The following NRXN1 variants were observed in gnomAD, a reference collection of about 807,000 sequenced individuals.
The protein encoded by NRXN1 is neurexin-1.
NRXN1 carries 39 observed loss-of-function variants against 150.9 expected under a neutral mutation model. The observed-to-expected ratio is 0.26, with a 90% CI of 0.20 to 0.34. The LOEUF is 0.34. NRXN1 is among the 10% of genes least tolerant of loss of function. The pLI is 1.00. For synonymous variants in NRXN1, 924 were observed against 757.0 expected (o/e 1.22, Z -3.62); for missense variants, 1,815 against 1,949.9 (o/e 0.93, Z 1.30).
rs1446460688 is a variant in NRXN1, at chr2:50,052,459, C to T, written c.4128+812G>A. Among the ~76,000 whole-genome samples, 6 of 152,106 alleles carry T rather than the reference C, an allele frequency of 3.9e-5. No individual in the cohort carries two copies. The East Asian group carries it at 7.7e-4, about 20-fold the overall frequency. On this transcript the variant is annotated intron_variant, in intron 21 of 22. Coordinates refer to ENST00000401669, the MANE Select transcript of NRXN1 (RefSeq NM_001330078.2). Reference sequence around the variant, plus strand: ...ATTTGAACAGCATCTAACAGCATTTCGAATAAGGTTTTTTTTTCCCTGTGT... The same window carrying T: ...ATTTGAACAGCATCTAACAGCATTTTGAATAAGGTTTTTTTTTCCCTGTGT...
At chr2:50,712,599 C>A (rs1398686235) in intron 5 of NRXN1, among the ~76,000 whole-genome samples, 1 of 152,162 alleles carries the variant, frequency 6.6e-6, no homozygotes, top group Admixed American at 6.6e-5. Context: ...ACTAATAGAT[C>A]ACACAAAATA....
intron 18 of NRXN1, among the ~76,000 whole-genome samples, chr2:50,189,098 CAA>C (rs954921967): frequency 2.0e-5 from 3 of 152,220 alleles, no homozygotes; most frequent in South Asian, 2.1e-4. Flanking sequence ...TTCACAATAG[CAA>C]AGACTTGGAA....
intron 8 of NRXN1, among the ~76,000 whole-genome samples, chr2:50,573,698 T>C (rs973843364): frequency 6.6e-6 from 1 of 151,564 alleles, no homozygotes; most frequent in Non-Finnish European, 1.5e-5. Context: ...AATTTGAAAA[T>C]CTGCGCTTAT....
intron 21 of NRXN1, among the ~76,000 whole-genome samples, chr2:49,978,064 A>T (rs1573181715): frequency 2.6e-5 from 4 of 152,198 alleles, no homozygotes; most frequent in Admixed American, 2.6e-4. Flanking sequence ...TGGGAGGCAG[A>T]GCCAGGAGAA....
chr2:49,945,698 C>T (rs1483469906), intron 21 of NRXN1, among the ~76,000 whole-genome samples: 1 of 152,102 alleles, frequency 6.6e-6, no homozygotes, highest in Non-Finnish European at 1.5e-5. Context: ...TCATCCATGT[C>T]CCTACAAGGG....
At chr2:50,802,571 A>AAG (rs1707766250) in intron 5 of NRXN1, among the ~76,000 whole-genome samples, 6 of 149,300 alleles carry the variant, frequency 4.0e-5, no homozygotes, top group East Asian at 2.0e-4. Flanking sequence ...GGAAGGAAGG[A>AAG]GAGAGACAGA....
At chr2:50,453,184 G>A (rs1558758107) in intron 17 of NRXN1, among the ~76,000 whole-genome samples, 1 of 152,120 alleles carries the variant, frequency 6.6e-6, no homozygotes, top group Non-Finnish European at 1.5e-5. Flanking sequence ...TAATCTAATA[G>A]TCTAATAGTC....
intron 5 of NRXN1, among the ~76,000 whole-genome samples, chr2:50,664,493 T>C (rs562573692): frequency 8.2e-4 from 123 of 150,500 alleles, no homozygotes; most frequent in African/African-American, 2.9e-3. Context: ...TTTCTCTACA[T>C]TGATGATTTA....
intron 17 of NRXN1, among the ~76,000 whole-genome samples, chr2:50,457,767 C>A (rs1206716870): frequency 3.9e-5 from 6 of 151,944 alleles, no homozygotes; most frequent in Non-Finnish European, 7.4e-5. Context: ...ACATCAAAAT[C>A]AAAATCACAA....
intron 5 of NRXN1, among the ~76,000 whole-genome samples, chr2:50,916,093 T>C (rs1685179545): frequency 6.8e-6 from 1 of 147,806 alleles, no homozygotes; most frequent in South Asian, 2.2e-4. Flanking sequence ...ACCACTAAAT[T>C]TATTGACTAA....
At chr2:50,352,499 T>A (rs2078482311) in intron 17 of NRXN1, among the ~76,000 whole-genome samples, 1 of 151,982 alleles carries the variant, frequency 6.6e-6, no homozygotes. Flanking sequence ...ACTAATATTT[T>A]AAAAATTAAA....
At chr2:50,297,887 C>A (rs568942613) in intron 17 of NRXN1, among the ~76,000 whole-genome samples, 1 of 151,994 alleles carries the variant, frequency 6.6e-6, no homozygotes, top group African/African-American at 2.4e-5. Context: ...ATAAGGGCAA[C>A]ATGGGTGACC....
chr2:50,608,713 C>T (rs981129341), intron 8 of NRXN1, among the ~76,000 whole-genome samples: 15 of 152,200 alleles, frequency 9.9e-5, no homozygotes, highest in African/African-American at 3.4e-4. Context: ...GAAAATGTTA[C>T]TGAATAAGGT....
chr2:49,926,417 A>G (rs1669113727), intron 22 of NRXN1: 1 of 398,328 alleles, frequency 2.5e-6, no homozygotes, highest in East Asian at 3.6e-5. Flanking sequence ...AATCCTATGA[A>G]TCTTCTTGTT....
chr2:50,411,641 C>T (rs2104089990), intron 17 of NRXN1, among the ~76,000 whole-genome samples: 1 of 152,116 alleles, frequency 6.6e-6, no homozygotes, highest in African/African-American at 2.4e-5. Context: ...GACCGGCCGC[C>T]CCGTCTGAGA....
intron 2 of NRXN1, among the ~76,000 whole-genome samples, chr2:50,984,630 T>C (rs1051962991): frequency 6.6e-6 from 1 of 152,106 alleles, no homozygotes; most frequent in African/African-American, 2.4e-5. Flanking sequence ...ATACTTAAAA[T>C]GTGTTTTCCT....
At position 50,506,617 on chromosome 2, in the gene NRXN1, C is replaced by T. The variant is rs778873367; in HGVS notation, c.2375G>A (p.Ser792Asn). 6.2e-7 allele frequency: 1 copy of T among 1,612,786 alleles called. No individual in the cohort carries two copies. ...LDCIRINCNSSKGPETLFAGY... is the reference protein window; with the variant it reads ...LDCIRINCNSNKGPETLFAGY... ...AGCAAAAAGAGTCTCGGGACCTTTG[C>T]CTGTAGAATATGCCAAACAGTCATT... The change falls in exon 13 of 23, where the codon AGC becomes AAC. Residue 792 changes from serine (S) to asparagine (N), a missense_variant and splice_region_variant. Ser to Asn is a conservative substitution (Grantham distance 46). Transcript: ENST00000401669.
In NRXN1 at chr2:50,851,934, A is replaced by G. The variant is rs150012867; in HGVS notation, c.832+69935T>C. ...AAAAAGAGAGTAAGATACTCTTAAT[A>G]GTGCCTTTGTTTTTATAGGCAGTAA... On this transcript the variant is annotated intron_variant, in intron 5 of 22. Coordinates refer to ENST00000401669, the MANE Select transcript of NRXN1 (RefSeq NM_001330078.2). 7.2e-5 allele frequency among the ~76,000 whole-genome samples: 11 copies of G among 152,326 alleles called. No individual in the cohort carries two copies. In the East Asian group the frequency reaches 1.9e-3, roughly 27 times the overall value.
At chr2:50,291,546 C>T (rs1449360409) in intron 17 of NRXN1, among the ~76,000 whole-genome samples, 1 of 152,150 alleles carries the variant, frequency 6.6e-6, no homozygotes, top group Non-Finnish European at 1.5e-5. Context: ...AACTGAGACT[C>T]CCTGAAAAAG....
Sources: gnomAD v4.1 joint callset for allele counts (sites outside exome capture counted in the v4.1 genomes callset) on GRCh38, gnomAD v4.1.1 for gene constraint, MANE v1.5 for transcripts, NCBI Gene and HGNC (gene_info 2026-07-23, HGNC 2026-07-21) for gene names.